The following RAB38 variants were observed in gnomAD, a reference collection of about 807,000 sequenced individuals.
RAB38 encodes the protein RAB38, member RAS oncogene family, also known as ras-related protein Rab-38.
Under a neutral mutation model 18.4 loss-of-function variants are expected in RAB38, and 15 were observed. The ratio of observed to expected loss-of-function variants is 0.82; its 90% CI spans 0.55 to 1.26. The LOEUF is 1.26. Among genes scored for constraint, RAB38 ranks in the 50% most tolerant of loss-of-function variants. The probability of loss-of-function intolerance (pLI) is 0.00; values close to 1 mark genes in which losing one functional copy is unlikely to be tolerated. For synonymous variants in RAB38, 101 were observed against 104.4 expected, an observed-to-expected ratio of 0.97 and a Z score of 0.20; for missense variants, 294 against 267.4, an observed-to-expected ratio of 1.10 and a Z score of -0.69.
the RAB38 span, among the ~76,000 whole-genome samples, chr11:88,105,250 C>T: frequency 2.0e-4 from 30 of 152,024 alleles, no homozygotes; most frequent in Non-Finnish European, 3.8e-4. Context: ...ATTCTATAAG[C>T]CACTTGTCAT....
chr11:87,822,635 C>T, the RAB38 span, among the ~76,000 whole-genome samples: 3 of 152,244 alleles, frequency 2.0e-5, no homozygotes, highest in East Asian at 5.8e-4. Context: ...GCAAGCAATC[C>T]AAAAGAGAGT....
the RAB38 span, among the ~76,000 whole-genome samples, chr11:88,100,801 A>C: frequency 6.6e-6 from 1 of 151,996 alleles, no homozygotes; most frequent in African/African-American, 2.4e-5. Context: ...TATTATGGAC[A>C]GGCAGGTTTT....
the RAB38 span, among the ~76,000 whole-genome samples, chr11:87,943,735 T>C: frequency 1.3e-5 from 2 of 151,978 alleles, no homozygotes; most frequent in African/African-American, 4.8e-5. Flanking sequence ...ATTGGAGAAA[T>C]GAAGGATGTG....
the RAB38 span, among the ~76,000 whole-genome samples, chr11:88,069,328 G>GC: frequency 6.6e-6 from 1 of 152,186 alleles, no homozygotes; most frequent in Non-Finnish European, 1.5e-5. Flanking sequence ...ATGCCGGAGG[G>GC]CCCCCCAGGG....
the RAB38 span, among the ~76,000 whole-genome samples, chr11:88,045,742 G>C: frequency 1.3e-5 from 2 of 152,110 alleles, no homozygotes; most frequent in African/African-American, 4.8e-5. Context: ...GGTCAAGTCC[G>C]TCCCCTTCTT....
the RAB38 span, among the ~76,000 whole-genome samples, chr11:87,947,454 G>C: frequency 6.6e-6 from 1 of 152,138 alleles, no homozygotes; most frequent in Non-Finnish European, 1.5e-5. Context: ...TAGACATGAA[G>C]TCCTTCCCCA....
At chr11:87,874,651 A>AAT in the RAB38 span, among the ~76,000 whole-genome samples, 6 of 150,004 alleles carry the variant, frequency 4.0e-5, no homozygotes, top group East Asian at 3.9e-4. Flanking sequence ...AGTATAATAA[A>AAT]ATATATATAT....
chr11:88,004,941 G>A, the RAB38 span, among the ~76,000 whole-genome samples: 2 of 151,304 alleles, frequency 1.3e-5, no homozygotes, highest in Admixed American at 6.6e-5. Context: ...ATGTTCAAGA[G>A]CTTTGCAGAC....
the RAB38 span, among the ~76,000 whole-genome samples, chr11:88,085,460 T>G: frequency 6.6e-6 from 1 of 151,930 alleles, no homozygotes; most frequent in African/African-American, 2.4e-5. Context: ...TTCAGATCTT[T>G]TGGCTCCAAA....
chr11:87,819,610 C>G, the RAB38 span, among the ~76,000 whole-genome samples: 2 of 150,806 alleles, frequency 1.3e-5, no homozygotes, highest in East Asian at 3.9e-4. Flanking sequence ...CTCAAAAGTA[C>G]CTGAACTTTT....
rs557581573 is a variant in RAB38 at position 88,138,975 on chromosome 11, G to A, written c.483+10700C>T. Among the ~76,000 whole-genome samples the A allele has an allele frequency of 1.7e-3, 255 of 151,806 alleles. 1 individual carries two copies. The highest frequency in any genetic ancestry group is 2.9e-3 in the Non-Finnish European group (196 of 67,908). ...TTTTTTTTGTATTTTTAGTAGCGAC[G>A]GTGTTTCACTGTGTTAGCCAGGATG... is the stretch of plus-strand genomic sequence containing the variant. On this transcript the variant is annotated intron_variant, in intron 2 of 2. Coordinates refer to ENST00000243662, the MANE Select transcript of RAB38 (RefSeq NM_022337.3).
the RAB38 span, among the ~76,000 whole-genome samples, chr11:87,910,633 C>CTTTTTTTTT: frequency 8.8e-4 from 115 of 131,138 alleles, 9 homozygotes; most frequent in African/African-American, 1.2e-3. Context: ...AGTTCATTTT[C>CTTTTTTTTT]TTTTTTTTTT....
intron 2 of RAB38, among the ~76,000 whole-genome samples, chr11:88,147,921 T>C (rs755050139): frequency 4.1e-4 from 62 of 151,650 alleles, no homozygotes; most frequent in Non-Finnish European, 7.4e-4. Context: ...AAAAAGAAAA[T>C]AGACTACAAA....
At chr11:87,937,768 T>G in the RAB38 span, among the ~76,000 whole-genome samples, 1 of 152,092 alleles carries the variant, frequency 6.6e-6, no homozygotes, top group Non-Finnish European at 1.5e-5. Flanking sequence ...ATTTGGTTCT[T>G]CATAATATCT....
the RAB38 span, among the ~76,000 whole-genome samples, chr11:88,042,326 C>A: frequency 6.6e-6 from 1 of 152,158 alleles, no homozygotes; most frequent in East Asian, 1.9e-4. Flanking sequence ...TCCATCACCT[C>A]CCAGTGCTAA....
At chr11:88,032,989 A>G in the RAB38 span, among the ~76,000 whole-genome samples, 2 of 152,280 alleles carry the variant, frequency 1.3e-5, no homozygotes, top group East Asian at 3.9e-4. Context: ...AATGTCCAAC[A>G]ATGATAGACT....
the RAB38 span, among the ~76,000 whole-genome samples, chr11:88,012,334 A>G: frequency 6.6e-6 from 1 of 152,162 alleles, no homozygotes; most frequent in Non-Finnish European, 1.5e-5. Context: ...GTGTCAGGAC[A>G]TAAGGCCAGC....
the RAB38 span, among the ~76,000 whole-genome samples, chr11:88,052,921 T>TCATATATATTTC: frequency 1.2e-4 from 3 of 25,346 alleles, no homozygotes; most frequent in Non-Finnish European, 2.1e-4. Flanking sequence ...TATATATATA[T>TCATATATATTTC]ATATATATAT....
At chr11:87,862,984 A>G in the RAB38 span, among the ~76,000 whole-genome samples, 1 of 151,916 alleles carries the variant, frequency 6.6e-6, no homozygotes, top group Non-Finnish European at 1.5e-5. Context: ...TATGCAGTCC[A>G]TCTGCACTAA....
Sources: allele counts gnomAD v4.1 joint callset (sites outside exome capture counted in the v4.1 genomes callset), GRCh38; gene constraint gnomAD v4.1.1; transcripts MANE v1.5; gene names NCBI Gene and HGNC (gene_info 2026-07-23, HGNC 2026-07-21).